The following DNAH5 variants were observed in gnomAD, a reference collection of about 807,000 sequenced individuals.
The protein encoded by DNAH5 is dynein axonemal heavy chain 5.
In DNAH5, 372 loss-of-function variants were observed where a neutral mutation model predicts 518.2. That is an observed-to-expected ratio of 0.72 (90% CI 0.66 to 0.78). DNAH5 has a LOEUF of 0.78. Ranked by LOEUF, DNAH5 falls within the 30% of genes least tolerant of loss-of-function variation. The probability of loss-of-function intolerance (pLI) is 0.00; values close to 1 mark genes in which losing one functional copy is unlikely to be tolerated. For synonymous variants in DNAH5, 2,039 were observed against 2,025.9 expected (o/e 1.01, Z -0.17); for missense variants, 5,523 against 5,687.0 (o/e 0.97, Z 0.93).
At chr5:13,736,499 A>G (rs1340408915) in intron 66 of DNAH5, among the ~76,000 whole-genome samples, 1 of 152,052 alleles carries the variant, frequency 6.6e-6, no homozygotes, top group Non-Finnish European at 1.5e-5. Flanking sequence ...GGTTTAAGAG[A>G]GTCTCCTGCC....
chr5:13,939,372 G>A (rs909741739), intron 1 of DNAH5, among the ~76,000 whole-genome samples: 5 of 152,084 alleles, frequency 3.3e-5, no homozygotes, highest in Admixed American at 6.5e-5. Flanking sequence ...TTCTACCCTG[G>A]GTAGGATAGT....
In DNAH5 at chr5:13,740,955, G is replaced by A. The variant is rs116825415; in HGVS notation, c.11212-3460C>T. ...ATAGTTTGGTCTGTTAGTCTATTTT[G>A]TTCATTGATAAATTCCTAAATTAGT... is the stretch of plus-strand genomic sequence containing the variant. On this transcript the variant is annotated intron_variant, in intron 65 of 78. Transcript: ENST00000265104. Among the ~76,000 whole-genome samples, 980 of 152,202 alleles carry A rather than the reference G, an allele frequency of 6.4e-3. 15 individuals carry two copies. Among genetic ancestry groups the A allele is most frequent in the African/African-American group, 0.023 (936 of 41,542 alleles).
chr5:13,998,975 A>C (rs755422391), intron 1 of DNAH5, among the ~76,000 whole-genome samples: 28 of 152,116 alleles, frequency 1.8e-4, no homozygotes, highest in African/African-American at 6.5e-4. Context: ...AGGTTCAAGC[A>C]ATTCTCCTGC....
In DNAH5 at chr5:13,914,308, T is replaced by C. The variant is rs112384079; in HGVS notation, c.1320+212A>G. Among the ~76,000 whole-genome samples the C allele has an allele frequency of 1.0e-3, 155 of 152,200 alleles. 1 individual carries two copies. Among genetic ancestry groups the C allele is most frequent in the African/African-American group, 3.5e-3 (145 of 41,566 alleles). On this transcript the variant is annotated intron_variant, in intron 10 of 78. Transcript: ENST00000265104. ...CTGTCTTTGTATCTCTAGTACTTAC[T>C]GTGATATCAGGACATAGTAGGCTCC...
At chr5:13,713,286 A>AACATATATATATACCG (rs1743787543) in intron 75 of DNAH5, among the ~76,000 whole-genome samples, 1 of 145,558 alleles carries the variant, frequency 6.9e-6, no homozygotes, top group African/African-American at 2.5e-5. Context: ...TATATATACC[A>AACATATATATATACCG]ACATATATAT....
chr5:13,782,404 C>T (rs1207829230), intron 52 of DNAH5, among the ~76,000 whole-genome samples: 1 of 152,178 alleles, frequency 6.6e-6, no homozygotes, highest in East Asian at 1.9e-4. Context: ...TCTATGTGGA[C>T]CTGAGAACCT....
chr5:13,822,520 G>A (rs1355611638), intron 40 of DNAH5, among the ~76,000 whole-genome samples: 2 of 151,912 alleles, frequency 1.3e-5, no homozygotes, highest in African/African-American at 4.8e-5. Flanking sequence ...CAGAGTGCAG[G>A]GATTACAGGC....
chr5:13,770,405 A>G (rs13360584), intron 56 of DNAH5, among the ~76,000 whole-genome samples: 2,801 of 152,288 alleles, frequency 0.018, 87 homozygotes, highest in African/African-American at 0.064. Flanking sequence ...CCTGATGTCA[A>G]TCAATATTAT....
chr5:13,823,957 C>A (rs1234359739), intron 39 of DNAH5, among the ~76,000 whole-genome samples: 1 of 152,140 alleles, frequency 6.6e-6, no homozygotes, highest in African/African-American at 2.4e-5. Flanking sequence ...GGCATCTTAA[C>A]ATGTGTATTT....
Position 13,830,764 on chromosome 5 carries a change from G to C in DNAH5, c.5894C>G (p.Thr1965Arg). ...ITPLTDRCYI[T>R]LAQALGMSMG... Reference sequence around the variant, plus strand: ...GCTCATTCCCAGAGCTTGAGCCAGCGTGATGTAACATCTGCATGGGTAGAA... The same window carrying C: ...GCTCATTCCCAGAGCTTGAGCCAGCCTGATGTAACATCTGCATGGGTAGAA... The change falls in exon 36 of 79, where the codon ACG (threonine) becomes AGG (arginine). Residue 1965 changes from threonine (T) to arginine (R), a missense_variant. Physicochemically the swap from Thr to Arg is moderately conservative, Grantham distance 71. This residue lies in a region of DNAH5 where 5,121 missense variants were observed against 5,223.3 expected (regional missense o/e 0.98). Coordinates refer to ENST00000265104, the MANE Select transcript of DNAH5 (RefSeq NM_001369.3). 3 of 1,614,106 alleles carry C rather than the reference G, an allele frequency of 1.9e-6. No homozygotes were observed. Among genetic ancestry groups the C allele is most frequent in the Non-Finnish European group, 2.5e-6 (3 of 1,180,030 alleles).
chr5:13,714,922 T>C (rs558177190), intron 74 of DNAH5, among the ~76,000 whole-genome samples: 1 of 152,336 alleles, frequency 6.6e-6, no homozygotes, highest in African/African-American at 2.4e-5. Context: ...TGTGGATTGG[T>C]GTTTTGCTTT....
At chr5:13,842,423 AAAAGAAAGAAAG>A (rs77171541) in intron 32 of DNAH5, among the ~76,000 whole-genome samples, 5,008 of 75,922 alleles carry the variant, frequency 0.066, 300 homozygotes, top group Middle Eastern at 0.079. Context: ...AAAAGAAAAG[AAAAGAAAGAAAG>A]AAAGAAAGAA....
At chr5:13,811,542 C>T (rs1416765166) in intron 44 of DNAH5, 105 bp downstream of exon 44, 6 of 1,128,532 alleles carry the variant, frequency 5.3e-6, no homozygotes. Flanking sequence ...ATATAGTACT[C>T]TCTGTATAGC....
intron 35 of DNAH5, among the ~76,000 whole-genome samples, chr5:13,833,017 G>GT (rs1189855628): frequency 1.1e-4 from 16 of 152,106 alleles, no homozygotes; most frequent in African/African-American, 3.6e-4. Flanking sequence ...ACAATGGTAC[G>GT]TGCATCAGCA....
chr5:13,781,226 C>T (rs562200072), intron 52 of DNAH5, among the ~76,000 whole-genome samples: 24 of 152,150 alleles, frequency 1.6e-4, no homozygotes, highest in East Asian at 9.7e-4. Flanking sequence ...CAGCCGAGAC[C>T]GTGCTTGCTC....
rs754225554 is a variant in DNAH5 at position 13,820,499 on chromosome 5, C to A, written c.6688G>T (p.Val2230Phe). 1 of 1,613,906 alleles carries A rather than the reference C, an allele frequency of 6.2e-7. No homozygotes were observed. The highest frequency in any genetic ancestry group is 8.5e-7 in the Non-Finnish European group (1 of 1,180,010). Residue 2230 changes from valine (V) to phenylalanine (F), a missense_variant and splice_region_variant, in exon 41 of 79, where the codon GTT becomes TTT. This residue lies in a region of DNAH5 where 5,121 missense variants were observed against 5,223.3 expected (regional missense o/e 0.98). Transcript: ENST00000265104. ...TGGTTGATTAAACCAGCTTCTTCAACCTGAAAACATAAGAGAATCCCCACA... is the reference window on the plus strand; with the variant it reads ...TGGTTGATTAAACCAGCTTCTTCAAACTGAAAACATAAGAGAATCCCCACA... ...PELEAAISRQ[V>F]EEAGLINHPP...
At chr5:13,884,113 C>G (rs558099473) in intron 19 of DNAH5, among the ~76,000 whole-genome samples, 1 of 151,664 alleles carries the variant, frequency 6.6e-6, no homozygotes. Flanking sequence ...TGAACTGTGC[C>G]GAGGAAAAGA....
intron 1 of DNAH5, among the ~76,000 whole-genome samples, chr5:13,982,840 T>C (rs1377045473): frequency 1.3e-5 from 2 of 152,264 alleles, no homozygotes; most frequent in African/African-American, 2.4e-5. Context: ...AGGAAGACCA[T>C]GGCAAGGCCT....
At chr5:13,868,878 G>T (rs7709173) in intron 24 of DNAH5, among the ~76,000 whole-genome samples, 3,052 of 152,108 alleles carry the variant, frequency 0.02, 115 homozygotes, top group African/African-American at 0.069. Flanking sequence ...TGTGTCTGGG[G>T]GTATGAAAGG....
Sources: allele counts gnomAD v4.1 joint callset (sites outside exome capture counted in the v4.1 genomes callset), GRCh38; gene constraint gnomAD v4.1.1; regional missense constraint gnomAD v4.1.1; transcripts MANE v1.5; gene names NCBI Gene and HGNC (gene_info 2026-07-23, HGNC 2026-07-21).